Variants in CIB4 observed in about 807,000 individuals in gnomAD.
CIB4 encodes the protein calcium and integrin-binding family member 4.
In CIB4, 25 loss-of-function variants were observed where a neutral mutation model predicts 25.8. That is an observed-to-expected ratio of 0.97 (90% CI 0.71 to 1.35). The LOEUF (loss-of-function observed/expected upper bound fraction) is 1.35, where lower values mean the gene tolerates loss of function less well. CIB4 is among the 40% of genes most tolerant of loss of function. CIB4 has a pLI of 0.00. For synonymous variants in CIB4, 75 were observed against 81.4 expected (o/e 0.92, Z 0.42); for missense variants, 235 against 228.2 (o/e 1.03, Z -0.19).
At chr2:26,601,231 A>AAAAATATATATAT (rs1395827334) in intron 3 of CIB4, among the ~76,000 whole-genome samples, 3 of 17,230 alleles carry the variant, frequency 1.7e-4, no homozygotes, top group African/African-American at 4.5e-4. Context: ...AAAAAAAAAA[A>AAAAATATATATAT]ATATATATAT....
At chr2:26,615,220 A>G (rs965022483) in intron 3 of CIB4, among the ~76,000 whole-genome samples, 1 of 152,202 alleles carries the variant, frequency 6.6e-6, no homozygotes, top group African/African-American at 2.4e-5. Context: ...AGTCAGGGGA[A>G]CAGTCAAATC....
chr2:26,600,246 A>G (rs1169234775), intron 3 of CIB4, among the ~76,000 whole-genome samples: 1 of 146,656 alleles, frequency 6.8e-6, no homozygotes, highest in Non-Finnish European at 1.5e-5. Flanking sequence ...TCTACTAAAA[A>G]ATACAAAAAT....
intron 4 of CIB4, among the ~76,000 whole-genome samples, chr2:26,594,890 T>C (rs1050703819): frequency 1.3e-5 from 2 of 151,244 alleles, no homozygotes; most frequent in African/African-American, 4.8e-5. Flanking sequence ...GCATATGTGA[T>C]TCTCTCTCTC....
intron 3 of CIB4, among the ~76,000 whole-genome samples, chr2:26,606,569 G>A (rs1193857230): frequency 6.6e-6 from 1 of 152,130 alleles, no homozygotes; most frequent in Non-Finnish European, 1.5e-5. Context: ...CAGCAGTGGG[G>A]TTTAACTTGG....
chr2:26,585,663 T>G (rs1668437580), intron 4 of CIB4, among the ~76,000 whole-genome samples: 1 of 152,102 alleles, frequency 6.6e-6, no homozygotes, highest in African/African-American at 2.4e-5. Flanking sequence ...CATGCACAGA[T>G]TAAATAACCC....
At chr2:26,621,617 A>T (rs1245191871) in intron 3 of CIB4, among the ~76,000 whole-genome samples, 1 of 152,218 alleles carries the variant, frequency 6.6e-6, no homozygotes, top group East Asian at 1.9e-4. Flanking sequence ...TTGTAAAAAC[A>T]TTTATCTCCA....
At chr2:26,621,391 A>G (rs1028821623) in intron 3 of CIB4, among the ~76,000 whole-genome samples, 2 of 152,130 alleles carry the variant, frequency 1.3e-5, no homozygotes, top group Admixed American at 6.5e-5. Flanking sequence ...TATCCAACCT[A>G]CAATTCCATC....
chr2:26,632,093 C>T (rs1013021954), intron 2 of CIB4, among the ~76,000 whole-genome samples: 2 of 152,222 alleles, frequency 1.3e-5, no homozygotes, highest in African/African-American at 2.4e-5. Flanking sequence ...CCTCTAGCTA[C>T]GAGACCCAAG....
chr2:26,611,057 C>A (rs1030878274), intron 3 of CIB4, among the ~76,000 whole-genome samples: 5 of 152,202 alleles, frequency 3.3e-5, no homozygotes, highest in Admixed American at 1.3e-4. Flanking sequence ...GAAAATGCCC[C>A]GTGAATCCCT....
chr2:26,592,225 C>G (rs1343195077), intron 4 of CIB4, among the ~76,000 whole-genome samples: 1 of 152,224 alleles, frequency 6.6e-6, no homozygotes, highest in Admixed American at 6.5e-5. Context: ...TGGCATCTTC[C>G]CAGAGGAGCG....
intron 3 of CIB4, among the ~76,000 whole-genome samples, chr2:26,612,797 C>T (rs1008776247): frequency 6.6e-5 from 10 of 152,174 alleles, no homozygotes; most frequent in Non-Finnish European, 1.0e-4. Context: ...GTGGCTTAAG[C>T]CCTGGGGCAG....
chr2:26,637,920 C>A (rs1480595643), intron 2 of CIB4, among the ~76,000 whole-genome samples: 1 of 152,186 alleles, frequency 6.6e-6, no homozygotes, highest in Non-Finnish European at 1.5e-5. Flanking sequence ...CTCACTCTGT[C>A]TTATCTGAAG....
chr2:26,599,746 T>C (rs1195684095), intron 3 of CIB4, among the ~76,000 whole-genome samples: 1 of 152,232 alleles, frequency 6.6e-6, no homozygotes. Context: ...TCATACTTTA[T>C]TTTGTGAATT....
At chr2:26,606,501 G>T (rs970458540) in intron 3 of CIB4, among the ~76,000 whole-genome samples, 1 of 152,104 alleles carries the variant, frequency 6.6e-6, no homozygotes, top group Admixed American at 6.6e-5. Context: ...CCCTCCTCCC[G>T]CGCCCCTCAA....
intron 2 of CIB4, among the ~76,000 whole-genome samples, chr2:26,636,774 A>G (rs1669540514): frequency 6.6e-6 from 1 of 152,142 alleles, no homozygotes; most frequent in Non-Finnish European, 1.5e-5. Context: ...ACTTATTTCT[A>G]GATTGAAATT....
In CIB4 at chr2:26,590,258, TAAA is replaced by T. The variant is rs869097756; in HGVS notation, c.328+4915_328+4917del. On this transcript the variant is annotated intron_variant, in intron 4 of 6. Coordinates refer to ENST00000288861, the MANE Select transcript of CIB4 (RefSeq NM_001029881.3). ...CCTGGAGCTGGGGCCCAAGCATCTG[TAAA>T]AAAAAAAAAAAAAAAAAAAAAAACT... 4.9e-5 allele frequency among the ~76,000 whole-genome samples: 3 copies of T among 61,830 alleles called. No homozygotes were observed. The East Asian group carries it at 1.6e-3, about 34-fold the overall frequency. The allele number at this position is 61,830 out of a possible 152,430, so 40.6% of individuals were successfully genotyped here. A position where few individuals can be genotyped will look rare whatever the true frequency, so the allele number is the denominator to read the frequency against.
In CIB4 at chr2:26,627,862, C is replaced by T. The variant is rs548433847; in HGVS notation, c.186+1548G>A. On this transcript the variant is annotated intron_variant, in intron 3 of 6. Transcript: ENST00000288861. This position sits in a 1 kb window ranked among gnomAD's most constrained non-coding sequence, Gnocchi z 4.0. ...TTTTCCTCTGTCTCTGTCTGCCCTA[C>T]AGATAGGCCTGTCACTTAGGAGGGG... is the stretch of plus-strand genomic sequence containing the variant. 6.6e-6 allele frequency among the ~76,000 whole-genome samples: 1 copy of T among 151,686 alleles called. No individual in the cohort carries two copies. Among genetic ancestry groups the T allele is most frequent in the African/African-American group, 2.4e-5 (1 of 41,424 alleles).
intron 3 of CIB4, among the ~76,000 whole-genome samples, chr2:26,614,803 G>A (rs1347159086): frequency 6.6e-6 from 1 of 152,246 alleles, no homozygotes; most frequent in Admixed American, 6.5e-5. Flanking sequence ...CCATGCCCAA[G>A]TTCAAGGTAA....
intron 3 of CIB4, among the ~76,000 whole-genome samples, chr2:26,619,392 G>T (rs1234821199): frequency 6.6e-6 from 1 of 152,166 alleles, no homozygotes; most frequent in Non-Finnish European, 1.5e-5. Context: ...AATGGAAAAG[G>T]AAAGTTGTGG....
Sources: allele counts gnomAD v4.1 joint callset (sites outside exome capture counted in the v4.1 genomes callset), GRCh38; gene constraint gnomAD v4.1.1; non-coding constraint Gnocchi (gnomAD v3.1); transcripts MANE v1.5; gene names NCBI Gene and HGNC (gene_info 2026-07-23, HGNC 2026-07-21).